Variants in MSH3 observed in about 807,000 individuals in gnomAD.
MSH3 encodes mutS homolog 3, also known as DNA mismatch repair protein Msh3.
A neutral mutation model predicts 123.3 loss-of-function variants in MSH3; 106 were observed. The observed-to-expected ratio is 0.86, with a 90% confidence interval of 0.73 to 1.01. The LOEUF (loss-of-function observed/expected upper bound fraction) is 1.01, where lower values mean the gene tolerates loss of function less well. MSH3 is among the 50% of genes least tolerant of loss of function. The pLI is 0.00. For synonymous variants in MSH3, 515 were observed against 481.4 expected (o/e 1.07, Z -0.91); for missense variants, 1,459 against 1,347.6 (o/e 1.08, Z -1.29).
intron 22 of MSH3, among the ~76,000 whole-genome samples, chr5:80,872,270 G>T (rs2112127515): frequency 6.6e-6 from 1 of 152,116 alleles, no homozygotes; most frequent in South Asian, 2.1e-4. Context: ...AGAAGTTCGA[G>T]AGCAGCCTGG....
chr5:80,674,636 A>G (rs1330364259), intron 6 of MSH3, among the ~76,000 whole-genome samples: 45 of 152,382 alleles, frequency 3.0e-4, no homozygotes, highest in Admixed American at 2.7e-3. Flanking sequence ...AAGGCATGCA[A>G]CTATGATCCA....
At position 80,864,798 on chromosome 5, in the gene MSH3, G is replaced by T; in HGVS notation, c.3001-15G>T. 1 of 1,602,746 alleles carries T rather than the reference G, an allele frequency of 6.2e-7. No individual in the cohort carries two copies. Among genetic ancestry groups the T allele is most frequent in the African/African-American group, 1.3e-5 (1 of 74,830 alleles). Reference sequence around the variant, plus strand: ...TTAAAAATGAAATAACATTTATTCTGTCTTATTGCTTTAGGTGAAATCCTT... The same window carrying T: ...TTAAAAATGAAATAACATTTATTCTTTCTTATTGCTTTAGGTGAAATCCTT... On this transcript the variant is annotated splice_polypyrimidine_tract_variant and intron_variant, in intron 21 of 23. Transcript: ENST00000265081.
intron 20 of MSH3, among the ~76,000 whole-genome samples, chr5:80,833,063 C>T (rs1745446916): frequency 6.6e-6 from 1 of 152,020 alleles, no homozygotes. Context: ...AGAAACTGAC[C>T]CAAAAAAGTA....
intron 19 of MSH3, among the ~76,000 whole-genome samples, chr5:80,810,519 C>G (rs992393619): frequency 2.0e-5 from 3 of 152,068 alleles, no homozygotes; most frequent in African/African-American, 7.2e-5. Flanking sequence ...CCATATTGCT[C>G]TCCATATCTT....
chr5:80,728,708 AATT>A (rs1428215011), intron 9 of MSH3, 140 bp from the exon 10 acceptor site: 1 of 575,068 alleles, frequency 1.7e-6, no homozygotes, highest in Non-Finnish European at 3.1e-6. Flanking sequence ...ATATTGTCCA[AATT>A]ATTATTTTGG....
chr5:80,803,351 G>A (rs1665256292), intron 19 of MSH3, among the ~76,000 whole-genome samples: 1 of 151,890 alleles, frequency 6.6e-6, no homozygotes, highest in African/African-American at 2.4e-5. Context: ...CTGTTCATAT[G>A]CCTGTTGTTT....
At chr5:80,851,129 A>AT (rs369628099) in intron 20 of MSH3, among the ~76,000 whole-genome samples, 3 of 151,936 alleles carry the variant, frequency 2.0e-5, no homozygotes, top group African/African-American at 7.3e-5. Context: ...TGGATATTTG[A>AT]TTTTTTCCAG....
At chr5:80,755,913 C>T (rs1259373164) in intron 12 of MSH3, among the ~76,000 whole-genome samples, 1 of 152,162 alleles carries the variant, frequency 6.6e-6, no homozygotes, top group East Asian at 1.9e-4. Context: ...TTCTTAACCA[C>T]AGGCCCTCCC....
intron 11 of MSH3, among the ~76,000 whole-genome samples, chr5:80,742,612 ATAT>A (rs1405095400): frequency 6.6e-6 from 1 of 152,182 alleles, no homozygotes; most frequent in African/African-American, 2.4e-5. Context: ...CTGAATCTGC[ATAT>A]TATTAACTAG....
intron 15 of MSH3, among the ~76,000 whole-genome samples, chr5:80,769,734 T>A (rs911470884): frequency 8.5e-5 from 13 of 152,124 alleles, no homozygotes; most frequent in African/African-American, 3.1e-4. Context: ...AACTTATGGT[T>A]AACTTCTATA....
chr5:80,657,042 T>TTTTCTATTA (rs1749309170), intron 2 of MSH3, among the ~76,000 whole-genome samples: 1 of 151,974 alleles, frequency 6.6e-6, no homozygotes, highest in Non-Finnish European at 1.5e-5. Context: ...TTCTACTTAA[T>TTTTCTATTA]AGAAAATTTT....
rs113329778 is a variant in MSH3 at position 80,760,672 on chromosome 5, A to G, written c.1764-874A>G. Among the ~76,000 whole-genome samples the G allele has an allele frequency of 3.5e-3, 537 of 152,364 alleles. 2 individuals carry two copies. The highest frequency in any genetic ancestry group is 0.012 in the African/African-American group (517 of 41,586). ...TTCTCCGTCTAAGTGGCTTAAATAC[A>G]TTAGAAGTTTATTTCTTGCTAATAT... is the stretch of plus-strand genomic sequence containing the variant. On this transcript the variant is annotated intron_variant, in intron 12 of 23. Coordinates refer to ENST00000265081, the MANE Select transcript of MSH3 (RefSeq NM_002439.5).
intron 8 of MSH3, among the ~76,000 whole-genome samples, chr5:80,722,648 G>A (rs892063144): frequency 6.6e-6 from 1 of 152,186 alleles, no homozygotes; most frequent in African/African-American, 2.4e-5. Context: ...GTATCTAAGA[G>A]TGAGCACAAC....
At position 80,847,357 on chromosome 5, in the gene MSH3, TA is replaced by T. The variant is rs1008576301; in HGVS notation, c.2814-6772del. 1.0e-4 allele frequency among the ~76,000 whole-genome samples: 14 copies of T among 137,316 alleles called. No individual in the cohort carries two copies. The East Asian group carries it at 2.5e-3, about 25-fold the overall frequency. The allele number at this position is 137,316 out of a possible 152,430, so 90.1% of individuals were successfully genotyped here. The stretch of plus-strand genomic sequence containing the variant: ...TTATAGGCCACTGCACCTGGCTGAA[TA>T]TTTTTTTTTTTTTTGAGCCTGTCTC... On this transcript the variant is annotated intron_variant, in intron 20 of 23. Coordinates refer to ENST00000265081, the MANE Select transcript of MSH3 (RefSeq NM_002439.5).
At chr5:80,675,256 A>G (rs911363170) in intron 7 of MSH3, 128 bp downstream of exon 7, 4 of 1,087,720 alleles carry the variant, frequency 3.7e-6, no homozygotes, top group East Asian at 4.8e-5. Flanking sequence ...CAAGAAAAAC[A>G]TTTTTCTCAC....
At position 80,876,044 on chromosome 5, in the gene MSH3, A is replaced by G. The variant is rs1746303368; in HGVS notation, c.*182A>G. The G allele has an allele frequency of 1.7e-6, 1 of 602,520 alleles. No individual in the cohort carries two copies. Among genetic ancestry groups the G allele is most frequent in the South Asian group, 2.0e-5 (1 of 49,656 alleles). 37.3% of individuals were successfully genotyped at this position (602,520 alleles called of 1,614,324 possible). On this transcript the variant is annotated 3_prime_UTR_variant, in exon 24 of 24. Coordinates refer to ENST00000265081, the MANE Select transcript of MSH3 (RefSeq NM_002439.5). Reference sequence around the variant, plus strand: ...GTCTTTTTCAAGTTTCTGTCTTCCTAACTTTTCTACGTATAAACACTCTTG... The same window carrying G: ...GTCTTTTTCAAGTTTCTGTCTTCCTGACTTTTCTACGTATAAACACTCTTG...
At chr5:80,726,503 G>A (rs1743305541) in intron 9 of MSH3, among the ~76,000 whole-genome samples, 1 of 152,254 alleles carries the variant, frequency 6.6e-6, no homozygotes, top group African/African-American at 2.4e-5. Context: ...GTCTCACTCT[G>A]TCACCCAGGC....
intron 8 of MSH3, among the ~76,000 whole-genome samples, chr5:80,692,114 A>G: frequency 6.8e-6 from 1 of 147,608 alleles, no homozygotes; most frequent in Non-Finnish European, 1.5e-5. Flanking sequence ...AAACATGTAT[A>G]TGTTTAGATA....
At chr5:80,824,354 G>A (rs936953364) in intron 20 of MSH3, among the ~76,000 whole-genome samples, 4 of 151,280 alleles carry the variant, frequency 2.6e-5, no homozygotes, top group Non-Finnish European at 5.9e-5. Context: ...GGGGCGGCTG[G>A]CCGGGTGGGG....
Sources: allele counts gnomAD v4.1 joint callset (sites outside exome capture counted in the v4.1 genomes callset), GRCh38; gene constraint gnomAD v4.1.1; transcripts MANE v1.5; gene names NCBI Gene and HGNC (gene_info 2026-07-23, HGNC 2026-07-21).